FSD1L: variants seen among roughly 807,000 people sequenced by gnomAD.
FSD1L encodes the protein FSD1-like protein.
A neutral mutation model predicts 71.6 loss-of-function variants in FSD1L; 45 were observed. The observed-to-expected ratio is 0.63, with a 90% CI of 0.49 to 0.81. FSD1L has a LOEUF of 0.81. FSD1L is among the 30% of genes least tolerant of loss of function. FSD1L has a pLI of 0.00. For missense variants in FSD1L, 561 were observed against 618.1 expected (o/e 0.91, Z 0.98); for synonymous variants, 197 against 207.2 (o/e 0.95, Z 0.42).
Position 105,468,429 on chromosome 9 carries a change from C to T in FSD1L, c.339+105C>T. On this transcript the variant is annotated intron_variant, in intron 4 of 13. Transcript: ENST00000481272. ...TTTCTAAGTATAACTATACCCTTAC[C>T]TCGTAGAAGAATGGTTTTTTGTTTT... is the stretch of plus-strand genomic sequence containing the variant. 3.8e-6 allele frequency: 3 copies of T among 799,772 alleles called. No individual in the cohort carries two copies. In the South Asian group the frequency reaches 7.7e-5, roughly 20 times the overall value. The allele number at this position is 799,772 out of a possible 1,614,324, so 49.5% of individuals were successfully genotyped here.
At chr9:105,498,238 C>T (rs1833545576) in intron 7 of FSD1L, among the ~76,000 whole-genome samples, 1 of 121,244 alleles carries the variant, frequency 8.2e-6, no homozygotes, top group African/African-American at 2.8e-5. Flanking sequence ...TTTTAGTTTA[C>T]CAAGGCGAAA....
chr9:105,534,104 T>G (rs1193910410), intron 10 of FSD1L, among the ~76,000 whole-genome samples: 1 of 152,228 alleles, frequency 6.6e-6, no homozygotes, highest in Non-Finnish European at 1.5e-5. Context: ...GTCAGGATTA[T>G]AAGAAGAAAC....
chr9:105,442,568 G>C, the FSD1L span, among the ~76,000 whole-genome samples: 2 of 151,928 alleles, frequency 1.3e-5, no homozygotes, highest in African/African-American at 4.8e-5. Context: ...CGTGCCTGTG[G>C]TCCCAGCTAC....
At chr9:105,445,989 CTTTCA>C (rs1020290098), upstream of FSD1L, among the ~76,000 whole-genome samples, 47 of 152,266 alleles carry the variant, frequency 3.1e-4, no homozygotes, top group African/African-American at 8.7e-4. Flanking sequence ...CCTTTTGTAA[CTTTCA>C]TTTCATTTCT....
rs1832404446 is a variant in FSD1L, at chr9:105,484,435, C to T, written c.519C>T (p.Asn173=). 1.3e-6 allele frequency: 2 copies of T among 1,530,828 alleles called. No individual in the cohort carries two copies. Among genetic ancestry groups the T allele is most frequent in the South Asian group, 1.3e-5 (1 of 79,826 alleles). 94.8% of individuals were successfully genotyped at this position (1,530,828 alleles called of 1,614,324 possible). A position where few individuals can be genotyped will look rare whatever the true frequency, so the allele number is the denominator to read the frequency against. The change falls in exon 7 of 14, where the codon AAC becomes AAT. Residue 173 remains asparagine (N), a synonymous_variant. Coordinates refer to ENST00000481272, the MANE Select transcript of FSD1L (RefSeq NM_001145313.3). ...CTTTGAAACCAAAGGTCAGTGACAACATGACTCATTTAATGGTGGATTTCT... is the reference window on the plus strand; with the variant it reads ...CTTTGAAACCAAAGGTCAGTGACAATATGACTCATTTAATGGTGGATTTCT... ...RLSLKPKVSD[N]MTHLMVDFSQ... is the part of the protein sequence containing the mutation.
At position 105,448,340 on chromosome 9, in the gene FSD1L, C is replaced by A. The variant is rs1021106652; in HGVS notation, c.15+105C>A. The A allele has an allele frequency of 8.0e-5, 85 of 1,061,726 alleles. 1 individual carries two copies. The highest frequency in any genetic ancestry group is 9.7e-5 in the Non-Finnish European group (76 of 785,706). 65.8% of individuals were successfully genotyped at this position (1,061,726 alleles called of 1,614,324 possible). On this transcript the variant is annotated intron_variant, in intron 1 of 13. Coordinates refer to ENST00000481272, the MANE Select transcript of FSD1L (RefSeq NM_001145313.3). ...CTGTGGGTGCGCGGGGTGGGCCTGG[C>A]CGGGCGTCCGGGCTGCTGCTGCGGA... is the stretch of plus-strand genomic sequence containing the variant.
At chr9:105,476,797 A>G (rs1171426323) in intron 5 of FSD1L, among the ~76,000 whole-genome samples, 1 of 152,216 alleles carries the variant, frequency 6.6e-6, no homozygotes, top group Non-Finnish European at 1.5e-5. Context: ...TTCCAATTTA[A>G]GACATTTCTT....
At chr9:105,492,530 GC>G (rs1440251784) in intron 7 of FSD1L, among the ~76,000 whole-genome samples, 2 of 151,966 alleles carry the variant, frequency 1.3e-5, no homozygotes, top group Non-Finnish European at 2.9e-5. Flanking sequence ...GTTATTTCTT[GC>G]CTTCTGGTAG....
chr9:105,471,901 T>G lies in FSD1L; in HGVS notation c.340-3T>G. 2 of 1,042,102 alleles carry G rather than the reference T, an allele frequency of 1.9e-6. No individual in the cohort carries two copies. The highest frequency in any genetic ancestry group is 2.6e-6 in the Non-Finnish European group (2 of 772,718). 64.6% of individuals were successfully genotyped at this position (1,042,102 alleles called of 1,614,324 possible). On this transcript the variant is annotated splice_region_variant and splice_polypyrimidine_tract_variant and intron_variant, in intron 4 of 13. Coordinates refer to ENST00000481272, the MANE Select transcript of FSD1L (RefSeq NM_001145313.3). ...GACTTAGTTTTTTTTTTTTTTTCCCTAGAGTCAGATTAGTCAATGTAATAA... is the reference window on the plus strand; with the variant it reads ...GACTTAGTTTTTTTTTTTTTTTCCCGAGAGTCAGATTAGTCAATGTAATAA...
At chr9:105,542,709 GC>G (rs1220291317) in intron 13 of FSD1L, among the ~76,000 whole-genome samples, 1 of 152,112 alleles carries the variant, frequency 6.6e-6, no homozygotes, top group Non-Finnish European at 1.5e-5. Context: ...ACCAGCCTTG[GC>G]CCCCCAAAAT....
chr9:105,519,228 A>G (rs1445029391), intron 10 of FSD1L, among the ~76,000 whole-genome samples: 2 of 152,190 alleles, frequency 1.3e-5, no homozygotes, highest in East Asian at 3.8e-4. Context: ...CAGAGGTACA[A>G]AGAGGAGCTG....
rs181325645 is a variant in FSD1L, at chr9:105,461,885, T to C, written c.111+270T>C. On this transcript the variant is annotated intron_variant, in intron 2 of 13. Coordinates refer to ENST00000481272, the MANE Select transcript of FSD1L (RefSeq NM_001145313.3). ...AATAATGAGGCAGGTGGATATGGCT[T>C]GAGCCCAAGAGGTTGAGGCTGCAGT... Among the ~76,000 whole-genome samples the C allele has an allele frequency of 9.1e-3, 1,382 of 151,486 alleles. 21 individuals are homozygous for C. The highest frequency in any genetic ancestry group is 0.032 in the African/African-American group (1,324 of 41,230).
At chr9:105,506,351 G>T in intron 7 of FSD1L, 48 bp from the exon 8 acceptor site, 1 of 1,323,806 alleles carries the variant, frequency 7.6e-7, no homozygotes, top group South Asian at 1.3e-5. Context: ...GATTAGTGTT[G>T]TAATAAATGA....
chr9:105,514,675 G>A (rs1362851857), intron 10 of FSD1L, among the ~76,000 whole-genome samples: 2 of 152,198 alleles, frequency 1.3e-5, no homozygotes, highest in African/African-American at 4.8e-5. Context: ...TTGATTTGCT[G>A]TGATAGTATA....
chr9:105,508,624 A>T lies in FSD1L; in HGVS notation c.804A>T (p.Lys268Asn). The change falls in exon 9 of 14, where the codon AAA (lysine) becomes AAT (asparagine). Residue 268 changes from lysine (K) to asparagine (N), a missense_variant. Transcript: ENST00000481272. ...KGTEYTLSGL[K>N]FDSKYMNFRV... is the part of the protein sequence containing the mutation. ...ATGTTTTCGTTTCTTCAGGCTTAAA[A>T]TTTGATTCAAAGTATATGAATTTCA... 1 of 1,548,808 alleles carries T rather than the reference A, an allele frequency of 6.5e-7. No homozygotes were observed. Among genetic ancestry groups the T allele is most frequent in the South Asian group, 1.2e-5 (1 of 83,934 alleles).
intron 4 of FSD1L, among the ~76,000 whole-genome samples, chr9:105,470,112 G>A (rs1015004692): frequency 2.0e-5 from 3 of 152,052 alleles, no homozygotes; most frequent in Admixed American, 6.6e-5. Flanking sequence ...TTGTTCCATT[G>A]GTCTGTGTAT....
Position 105,546,418 on chromosome 9 carries a change from C to G in FSD1L, c.1528C>G (p.Leu510Val). The change falls in exon 14 of 14, where the codon CTT (leucine) becomes GTT (valine). Residue 510 changes from leucine (L) to valine (V), a missense_variant. Transcript: ENST00000481272. ...GMQVPSAVRT[L>V]QKSENGMTGS... ...GCAGGTTCCAAGTGCTGTGAGAACA[C>G]TTCAGAAAAGTGAAAATGGAATGAC... 4 of 1,550,256 alleles carry G rather than the reference C, an allele frequency of 2.6e-6. No individual in the cohort carries two copies. The highest frequency in any genetic ancestry group is 3.5e-6 in the Non-Finnish European group (4 of 1,146,096).
At chr9:105,530,856 A>C (rs564465813) in intron 10 of FSD1L, 15 of 387,480 alleles carry the variant, frequency 3.9e-5, no homozygotes, top group Admixed American at 2.2e-4. Flanking sequence ...CTTAATTGAT[A>C]GTATCACATA....
chr9:105,549,157 A>G lies in FSD1L; in HGVS notation c.*2674A>G, dbSNP rs932784209. Reference sequence around the variant, plus strand: ...TACAGGTCAAACATGATTGCTTTCTATAAAAGAAATGCTTGAGAGGTTGAC... The same window carrying G: ...TACAGGTCAAACATGATTGCTTTCTGTAAAAGAAATGCTTGAGAGGTTGAC... On this transcript the variant is annotated 3_prime_UTR_variant, in exon 14 of 14. Coordinates refer to ENST00000481272, the MANE Select transcript of FSD1L (RefSeq NM_001145313.3). 2 of 152,054 alleles carry G rather than the reference A, an allele frequency of 1.3e-5. No individual in the cohort carries two copies. The highest frequency in any genetic ancestry group is 4.8e-5 in the African/African-American group (2 of 41,446). The allele number at this position is 152,054 out of a possible 1,614,324, so 9.4% of individuals were successfully genotyped here. A position where few individuals can be genotyped will look rare whatever the true frequency, so the allele number is the denominator to read the frequency against.
Sources: allele counts gnomAD v4.1 joint callset (sites outside exome capture counted in the v4.1 genomes callset), GRCh38; gene constraint gnomAD v4.1.1; transcripts MANE v1.5; gene names NCBI Gene and HGNC (gene_info 2026-07-23, HGNC 2026-07-21).